CPNE4: variants seen among roughly 807,000 people sequenced by gnomAD.
CPNE4 encodes the protein copine 4.
In CPNE4, 25 loss-of-function variants were observed where a neutral mutation model predicts 67.9. That is an observed-to-expected ratio of 0.37 (90% confidence interval 0.27 to 0.51). The LOEUF is 0.51. Ranked by LOEUF, CPNE4 falls within the 20% of genes least tolerant of loss-of-function variation. The pLI is 0.93. For synonymous variants in CPNE4, 242 were observed against 244.9 expected, an observed-to-expected ratio of 0.99 and a Z score of 0.11; for missense variants, 464 against 690.8, an observed-to-expected ratio of 0.67 and a Z score of 3.68.
At chr3:131,774,221 C>A (rs2107839219) in intron 2 of CPNE4, among the ~76,000 whole-genome samples, 1 of 152,110 alleles carries the variant, frequency 6.6e-6, no homozygotes, top group Middle Eastern at 3.4e-3. Flanking sequence ...CCCCAAATGG[C>A]CTTTTGTCAG....
chr3:131,542,662 A>T lies in CPNE4; in HGVS notation c.1434T>A (p.Ser478Arg). Reference sequence around the variant, plus strand: ...CATCACCGTCCAGCATCTGCATGTCACTGAAGTCAGCGTTCCCTACTCCCA... The same window carrying T: ...CATCACCGTCCAGCATCTGCATGTCTCTGAAGTCAGCGTTCCCTACTCCCA... Reference protein sequence around the residue: ...IIVGVGNADFSDMQMLDGDDG... With the variant: ...IIVGVGNADFRDMQMLDGDDG... Residue 478 changes from serine (S) to arginine (R), a missense_variant, in exon 15 of 16, where the codon AGT becomes AGA. Physicochemically the swap from Ser to Arg is moderately radical, Grantham distance 110. Transcript: ENST00000429747. 6.2e-7 allele frequency: 1 copy of T among 1,614,104 alleles called. No homozygotes were observed. Among genetic ancestry groups the T allele is most frequent in the Non-Finnish European group, 8.5e-7 (1 of 1,179,986 alleles).
rs914989862 is a variant in CPNE4 at position 131,937,687 on chromosome 3, A to G, written c.-1-32243T>C. 4.6e-5 allele frequency among the ~76,000 whole-genome samples: 7 copies of G among 152,054 alleles called. No homozygotes were observed. In the East Asian group the frequency reaches 9.7e-4, roughly 21 times the overall value. ...ATCTTGACTGTGTAGATACATGCAA[A>G]TAACAGAAATTAGATGGGGAAAGGG... On this transcript the variant is annotated intron_variant, in intron 1 of 15. Transcript: ENST00000429747.
At chr3:131,614,819 CCTTGTTCTTAATA>C (rs1474572376) in intron 7 of CPNE4, among the ~76,000 whole-genome samples, 3 of 152,280 alleles carry the variant, frequency 2.0e-5, no homozygotes, top group African/African-American at 7.2e-5. Context: ...ACAATAGTTA[CCTTGTTCTTAATA>C]CTTGTTCTTA....
chr3:131,958,690 T>C (rs1468388695), intron 1 of CPNE4, among the ~76,000 whole-genome samples: 1 of 141,256 alleles, frequency 7.1e-6, no homozygotes, highest in Non-Finnish European at 1.5e-5. Flanking sequence ...AATGGCACGA[T>C]CTTGGCTCAC....
intron 1 of CPNE4, among the ~76,000 whole-genome samples, chr3:132,003,731 T>A (rs964871421): frequency 6.6e-6 from 1 of 152,050 alleles, no homozygotes; most frequent in South Asian, 2.1e-4. Context: ...AATGATTAAA[T>A]TAAAATTCAG....
rs1207573637 is a variant in CPNE4 at position 131,841,032 on chromosome 3, T to C, written c.180+64232A>G. ...AGGGAGAGAAATGTTGTTTTCGTTC[T>C]TCAAATAAGTGTAGTCTATCACCAT... On this transcript the variant is annotated intron_variant, in intron 2 of 15. Coordinates refer to ENST00000429747, the MANE Select transcript of CPNE4 (RefSeq NM_130808.3). 2.6e-5 allele frequency among the ~76,000 whole-genome samples: 4 copies of C among 152,304 alleles called. No individual in the cohort carries two copies. In the East Asian group the frequency reaches 7.7e-4, roughly 29 times the overall value.
intron 2 of CPNE4, among the ~76,000 whole-genome samples, chr3:131,897,250 C>T (rs2088374497): frequency 6.6e-6 from 1 of 152,064 alleles, no homozygotes; most frequent in East Asian, 1.9e-4. Context: ...AATCCTAATC[C>T]CACTTCTCAC....
chr3:132,025,980 T>C (rs774889844), intron 1 of CPNE4, among the ~76,000 whole-genome samples: 17 of 152,380 alleles, frequency 1.1e-4, no homozygotes, highest in Non-Finnish European at 7.3e-5. Context: ...TGAAAAATAT[T>C]ATAAATTTTT....
intron 2 of CPNE4, among the ~76,000 whole-genome samples, chr3:131,852,870 A>G (rs1243317218): frequency 6.6e-6 from 1 of 151,504 alleles, no homozygotes; most frequent in Non-Finnish European, 1.5e-5. Flanking sequence ...AATTTAAAAT[A>G]AAAATAAATA....
chr3:131,933,108 G>C (rs1008564353), intron 1 of CPNE4, among the ~76,000 whole-genome samples: 1 of 152,114 alleles, frequency 6.6e-6, no homozygotes, highest in Admixed American at 6.6e-5. Context: ...GGGTTAGATG[G>C]TACCTTGTGG....
At chr3:131,904,995 T>C (rs2088691498) in intron 2 of CPNE4, among the ~76,000 whole-genome samples, 1 of 151,944 alleles carries the variant, frequency 6.6e-6, no homozygotes, top group South Asian at 2.1e-4. Context: ...TGCCAATGAG[T>C]AGGCATGGGA....
chr3:131,781,676 AT>A (rs2083434982), intron 2 of CPNE4, among the ~76,000 whole-genome samples: 1 of 152,134 alleles, frequency 6.6e-6, no homozygotes, highest in African/African-American at 2.4e-5. Context: ...AAAAATCAGT[AT>A]TTTGGGTTTA....
intron 7 of CPNE4, among the ~76,000 whole-genome samples, chr3:131,646,842 C>T (rs566410673): frequency 6.6e-6 from 1 of 152,196 alleles, no homozygotes; most frequent in Non-Finnish European, 1.5e-5. Context: ...TCTAGGCATC[C>T]AGTGAGTACA....
intron 14 of CPNE4, among the ~76,000 whole-genome samples, chr3:131,543,812 T>C (rs573409744): frequency 5.3e-4 from 81 of 152,338 alleles, no homozygotes; most frequent in African/African-American, 1.9e-3. Flanking sequence ...CTGAAGGCCA[T>C]GTGCCACAAA....
intron 1 of CPNE4, among the ~76,000 whole-genome samples, chr3:131,961,914 C>G (rs1583522078): frequency 6.6e-6 from 1 of 152,170 alleles, no homozygotes; most frequent in African/African-American, 2.4e-5. Flanking sequence ...TACATATCAC[C>G]AAGTCATACC....
chr3:131,664,526 C>T (rs1046397557), intron 7 of CPNE4, among the ~76,000 whole-genome samples: 1 of 152,076 alleles, frequency 6.6e-6, no homozygotes, highest in Non-Finnish European at 1.5e-5. Flanking sequence ...TACATATAGA[C>T]AAATCTTCTG....
intron 2 of CPNE4, among the ~76,000 whole-genome samples, chr3:131,888,819 T>C (rs1024729974): frequency 8.9e-5 from 7 of 79,062 alleles, no homozygotes; most frequent in African/African-American, 1.2e-4. Context: ...TCGAAACAGA[T>C]CAATCAAAGT....
At chr3:131,989,430 T>TCTTG in intron 1 of CPNE4, among the ~76,000 whole-genome samples, 2 of 138,546 alleles carry the variant, frequency 1.4e-5, no homozygotes, top group Admixed American at 7.9e-5. Context: ...AAACAGAGGC[T>TCTTG]TTAACTACAA....
intron 11 of CPNE4, among the ~76,000 whole-genome samples, chr3:131,557,189 G>T (rs1936507605): frequency 6.6e-6 from 1 of 152,062 alleles, no homozygotes; most frequent in South Asian, 2.1e-4. Flanking sequence ...GTCGCCATAG[G>T]GCTCTTGGCA....
Sources: gnomAD v4.1 joint callset for allele counts (sites outside exome capture counted in the v4.1 genomes callset) on GRCh38, gnomAD v4.1.1 for gene constraint, MANE v1.5 for transcripts, NCBI Gene and HGNC (gene_info 2026-07-23, HGNC 2026-07-21) for gene names.